The following CACHD1 variants were observed in gnomAD, a reference collection of about 807,000 sequenced individuals.
CACHD1 encodes the protein VWFA and cache domain-containing protein 1.
CACHD1 carries 71 observed loss-of-function variants against 138.7 expected under a neutral mutation model. That is an observed-to-expected ratio of 0.51 (90% CI 0.42 to 0.62). The LOEUF (loss-of-function observed/expected upper bound fraction) is 0.62, where lower values mean the gene tolerates loss of function less well. CACHD1 is among the 20% of genes least tolerant of loss of function. The pLI is 0.00. For synonymous variants in CACHD1, 578 were observed against 591.5 expected (o/e 0.98, Z 0.33); for missense variants, 1,389 against 1,625.3 (o/e 0.85, Z 2.50).
At chr1:64,655,581 A>G (rs539457758) in intron 12 of CACHD1, among the ~76,000 whole-genome samples, 1 of 152,338 alleles carries the variant, frequency 6.6e-6, no homozygotes, top group African/African-American at 2.4e-5. Flanking sequence ...GTTCAACACA[A>G]GCAGATGGAT....
intron 1 of CACHD1, among the ~76,000 whole-genome samples, chr1:64,543,931 G>A (rs937788795): frequency 4.1e-5 from 5 of 121,032 alleles, no homozygotes; most frequent in Admixed American, 1.2e-4. Context: ...GTGATCCACC[G>A]GCCTCGGCCT....
At chr1:64,521,975 G>GTTTAA (rs56237972) in intron 1 of CACHD1, among the ~76,000 whole-genome samples, 137,026 of 151,850 alleles carry the variant, frequency 0.9, 61,951 homozygotes, top group East Asian at 0.98. Context: ...TTTCGACAAA[G>GTTTAA]TTTATTTTTC....
At chr1:64,680,580 GC>G (rs1650142720) in intron 24 of CACHD1, among the ~76,000 whole-genome samples, 1 of 152,088 alleles carries the variant, frequency 6.6e-6, no homozygotes, top group African/African-American at 2.4e-5. Context: ...CTGTTTAAGT[GC>G]AGTATCTGTA....
chr1:64,509,458 A>G (rs1646402333), intron 1 of CACHD1, among the ~76,000 whole-genome samples: 1 of 152,214 alleles, frequency 6.6e-6, no homozygotes, highest in Admixed American at 6.5e-5. Flanking sequence ...AAAAAGGTGT[A>G]TTTGAATCAA....
intron 1 of CACHD1, among the ~76,000 whole-genome samples, chr1:64,479,707 G>A (rs774175783): frequency 6.6e-6 from 1 of 152,096 alleles, no homozygotes. Context: ...AGATCTTTGG[G>A]CAGGACTGGA....
chr1:64,526,121 C>T (rs1646536800), intron 1 of CACHD1, among the ~76,000 whole-genome samples: 1 of 152,154 alleles, frequency 6.6e-6, no homozygotes, highest in Non-Finnish European at 1.5e-5. Flanking sequence ...CAAGCCACAG[C>T]CCCTCAGAGC....
rs1440809542 is a variant in CACHD1, at chr1:64,681,989, C to T, written c.3485-16C>T. ...CTGGCATAAGAGTGACATTAACTGT[C>T]CTTGGCTTCCTACAGTCAGCAACAC... is the stretch of plus-strand genomic sequence containing the variant. On this transcript the variant is annotated splice_polypyrimidine_tract_variant and intron_variant, in intron 25 of 26. Coordinates refer to ENST00000651257, the MANE Select transcript of CACHD1 (RefSeq NM_020925.4). 3 of 1,610,744 alleles carry T rather than the reference C, an allele frequency of 1.9e-6. No individual in the cohort carries two copies. The highest frequency in any genetic ancestry group is 2.2e-5 in the East Asian group (1 of 44,880).
intron 2 of CACHD1, 91 bp from the exon 3 acceptor site, chr1:64,582,065 C>A (rs1275045806): frequency 1.4e-6 from 2 of 1,383,878 alleles, no homozygotes; most frequent in Non-Finnish European, 2.0e-6. Flanking sequence ...ATATATGCAG[C>A]TTGTGACACA....
intron 13 of CACHD1, among the ~76,000 whole-genome samples, chr1:64,662,736 T>C (rs1250682961): frequency 6.6e-6 from 1 of 152,234 alleles, no homozygotes; most frequent in Non-Finnish European, 1.5e-5. Flanking sequence ...ACTGTGAGAA[T>C]TTTTATCTTA....
intron 3 of CACHD1, among the ~76,000 whole-genome samples, chr1:64,584,935 G>A (rs1187018085): frequency 6.6e-6 from 1 of 152,098 alleles, no homozygotes; most frequent in Non-Finnish European, 1.5e-5. Context: ...ATACCAGATA[G>A]GTTGTATTGG....
At chr1:64,489,904 T>A (rs115402977) in intron 1 of CACHD1, among the ~76,000 whole-genome samples, 1 of 152,214 alleles carries the variant, frequency 6.6e-6, no homozygotes, top group Non-Finnish European at 1.5e-5. Flanking sequence ...TTCCTATTTA[T>A]TGAGCATTTA....
intron 1 of CACHD1, among the ~76,000 whole-genome samples, chr1:64,501,730 G>A (rs1646341730): frequency 6.6e-6 from 1 of 152,156 alleles, no homozygotes; most frequent in Non-Finnish European, 1.5e-5. Context: ...GGTGTAGAAG[G>A]ATGGCTATTC....
chr1:64,578,329 T>C (rs1489669322), intron 2 of CACHD1, among the ~76,000 whole-genome samples: 2 of 152,214 alleles, frequency 1.3e-5, no homozygotes, highest in Non-Finnish European at 2.9e-5. Context: ...TGAAGAACCC[T>C]GAAATCTCTT....
chr1:64,663,948 C>T, intron 14 of CACHD1, 111 bp downstream of exon 14: 1 of 1,391,330 alleles, frequency 7.2e-7, no homozygotes, highest in Non-Finnish European at 9.9e-7. Context: ...CTGTGCCTCT[C>T]AGCTGGAGAG....
intron 4 of CACHD1, among the ~76,000 whole-genome samples, chr1:64,606,079 C>T (rs1647326836): frequency 6.8e-6 from 1 of 147,092 alleles, no homozygotes; most frequent in Non-Finnish European, 1.5e-5. Context: ...ATAGTAAGTA[C>T]TCTTTTGTTC....
intron 5 of CACHD1, 91 bp downstream of exon 5, chr1:64,629,572 C>A: frequency 7.2e-7 from 1 of 1,390,252 alleles, no homozygotes; most frequent in South Asian, 1.5e-5. Flanking sequence ...CATGGCTATG[C>A]CTTTAAGCTG....
intron 2 of CACHD1, among the ~76,000 whole-genome samples, chr1:64,581,213 A>G (rs1647010080): frequency 6.6e-6 from 1 of 152,116 alleles, no homozygotes; most frequent in Non-Finnish European, 1.5e-5. Context: ...ACAAATGAAG[A>G]TATTTTGATT....
chr1:64,691,418 G>A lies in CACHD1; in HGVS notation c.3682G>A (p.Asp1228Asn), dbSNP rs529654508. 1 of 1,614,078 alleles carries A rather than the reference G, an allele frequency of 6.2e-7. No homozygotes were observed. Among genetic ancestry groups the A allele is most frequent in the South Asian group, 1.1e-5 (1 of 91,076 alleles). The change falls in exon 27 of 27, where the codon GAC (aspartate) becomes AAC (asparagine). Residue 1228 changes from aspartate (D) to asparagine (N), a missense_variant. This residue lies in a region of CACHD1 where 78 missense variants were observed against 76.9 expected (regional missense o/e 1.01). Transcript: ENST00000651257. ...GGTCGATGTGGGAAACCATGATGAG[G>A]ACTTAGACCTGGATACCCCCCCTCA... ...AGVDVGNHDE[D>N]LDLDTPPQTA...
At chr1:64,568,725 A>G (rs1646902863) in intron 2 of CACHD1, among the ~76,000 whole-genome samples, 1 of 152,142 alleles carries the variant, frequency 6.6e-6, no homozygotes, top group African/African-American at 2.4e-5. Context: ...ACATTAGTCA[A>G]TGTATGTGCC....
Sources: allele counts gnomAD v4.1 joint callset (sites outside exome capture counted in the v4.1 genomes callset), GRCh38; gene constraint gnomAD v4.1.1; regional missense constraint gnomAD v4.1.1; transcripts MANE v1.5; gene names NCBI Gene and HGNC (gene_info 2026-07-23, HGNC 2026-07-21).